The following ZNF704 variants were observed in gnomAD, a reference collection of about 807,000 sequenced individuals.
The protein encoded by ZNF704 is zinc finger protein 704.
Under a neutral mutation model 44.7 loss-of-function variants are expected in ZNF704, and 10 were observed. That is an observed-to-expected ratio of 0.22 (90% CI 0.14 to 0.38). The LOEUF is 0.38. Among genes scored for constraint, ZNF704 ranks in the 10% least tolerant of loss-of-function variants. The probability of loss-of-function intolerance (pLI) is 1.00; values close to 1 mark genes in which losing one functional copy is unlikely to be tolerated. For synonymous variants in ZNF704, 211 were observed against 207.6 expected, an observed-to-expected ratio of 1.02 and a Z score of -0.14; for missense variants, 390 against 545.5, an observed-to-expected ratio of 0.71 and a Z score of 2.84.
chr8:80,688,796 T>C (rs919173741), intron 3 of ZNF704, among the ~76,000 whole-genome samples: 2 of 152,096 alleles, frequency 1.3e-5, no homozygotes, highest in Non-Finnish European at 2.9e-5. Context: ...CCGTCTCTAC[T>C]AAAAATACAA....
chr8:80,779,723 G>C (rs1293316666), intron 2 of ZNF704, among the ~76,000 whole-genome samples: 1 of 151,638 alleles, frequency 6.6e-6, no homozygotes, highest in Non-Finnish European at 1.5e-5. Context: ...CTTCACTACT[G>C]AGCATTTTAA....
chr8:80,744,801 T>G (rs1806818462), intron 2 of ZNF704, among the ~76,000 whole-genome samples: 1 of 152,170 alleles, frequency 6.6e-6, no homozygotes, highest in Admixed American at 6.5e-5. Context: ...TATTAAACAT[T>G]CAAGTAGCTA....
chr8:80,833,978 G>C (rs1395760659), intron 1 of ZNF704, among the ~76,000 whole-genome samples: 1 of 152,144 alleles, frequency 6.6e-6, no homozygotes, highest in Non-Finnish European at 1.5e-5. Flanking sequence ...GGAAGCCTAT[G>C]ATTCTAATGT....
At chr8:80,703,583 T>C (rs1296647912) in intron 2 of ZNF704, among the ~76,000 whole-genome samples, 6 of 152,174 alleles carry the variant, frequency 3.9e-5, no homozygotes, top group Non-Finnish European at 8.8e-5. Flanking sequence ...CAAATGATCC[T>C]TCTGCCTCAG....
At chr8:80,802,440 A>G (rs961011101) in intron 2 of ZNF704, among the ~76,000 whole-genome samples, 12 of 152,220 alleles carry the variant, frequency 7.9e-5, no homozygotes, top group African/African-American at 2.9e-4. Context: ...AAGATCCTCA[A>G]TAAAATACTG....
intron 1 of ZNF704, among the ~76,000 whole-genome samples, chr8:80,859,818 A>G (rs1034433571): frequency 2.0e-5 from 3 of 152,130 alleles, no homozygotes; most frequent in Admixed American, 2.0e-4. Context: ...AAAGCGACAC[A>G]GAGAGATTAG....
chr8:80,803,680 A>C (rs1416251263), intron 2 of ZNF704, among the ~76,000 whole-genome samples: 1 of 152,228 alleles, frequency 6.6e-6, no homozygotes, highest in African/African-American at 2.4e-5. Flanking sequence ...TACAAAAATT[A>C]ATTCAAGATG....
chr8:80,648,202 T>C (rs1366944652), intron 7 of ZNF704, among the ~76,000 whole-genome samples: 1 of 152,158 alleles, frequency 6.6e-6, no homozygotes, highest in Non-Finnish European at 1.5e-5. Context: ...GGATTATATT[T>C]CCAACACATG....
chr8:80,785,155 C>T (rs920746696), intron 2 of ZNF704, among the ~76,000 whole-genome samples: 3 of 152,108 alleles, frequency 2.0e-5, no homozygotes, highest in African/African-American at 7.2e-5. Flanking sequence ...GTTTCCCAGA[C>T]TTTCCTTGTT....
At chr8:80,847,177 A>C (rs1208092451) in intron 1 of ZNF704, among the ~76,000 whole-genome samples, 1 of 152,120 alleles carries the variant, frequency 6.6e-6, no homozygotes, top group Non-Finnish European at 1.5e-5. Flanking sequence ...CATCTTAAAA[A>C]TAAAATAAAA....
intron 1 of ZNF704, among the ~76,000 whole-genome samples, chr8:80,841,958 T>G (rs1808687996): frequency 6.6e-6 from 1 of 152,094 alleles, no homozygotes; most frequent in African/African-American, 2.4e-5. Context: ...TTGTTTAGTT[T>G]TTTAATTTTT....
intron 2 of ZNF704, among the ~76,000 whole-genome samples, chr8:80,745,706 A>G (rs1254203493): frequency 6.6e-6 from 1 of 152,214 alleles, no homozygotes; most frequent in Non-Finnish European, 1.5e-5. Flanking sequence ...TCCTCTTTCT[A>G]TAATTTTGGA....
At chr8:80,723,232 T>A (rs1330241320) in intron 2 of ZNF704, among the ~76,000 whole-genome samples, 5 of 152,188 alleles carry the variant, frequency 3.3e-5, no homozygotes, top group Non-Finnish European at 5.9e-5. Flanking sequence ...CTCAATCTCA[T>A]TAAGTCATGG....
rs925285103 is a variant in ZNF704 at position 80,695,729 on chromosome 8, C to T, written c.222-2622G>A. Among the ~76,000 whole-genome samples, 5 of 152,274 alleles carry T rather than the reference C, an allele frequency of 3.3e-5. No individual in the cohort carries two copies. The East Asian group carries it at 9.6e-4, about 29-fold the overall frequency. ...ACAGAATGCATCATTATAAAATATA[C>T]ATTTATTTTGCATTGCGAAAATCTA... On this transcript the variant is annotated intron_variant, in intron 2 of 8. Coordinates refer to ENST00000327835, the MANE Select transcript of ZNF704 (RefSeq NM_001033723.3).
chr8:80,718,295 T>C (rs953045110), intron 2 of ZNF704, among the ~76,000 whole-genome samples: 1 of 152,182 alleles, frequency 6.6e-6, no homozygotes, highest in African/African-American at 2.4e-5. Flanking sequence ...AATTAATCTC[T>C]ATATCATGCC....
chr8:80,739,731 G>C (rs917822497), intron 2 of ZNF704, among the ~76,000 whole-genome samples: 1 of 152,108 alleles, frequency 6.6e-6, no homozygotes, highest in Admixed American at 6.6e-5. Flanking sequence ...CTGGAAAAGG[G>C]AAGAGCTGGG....
intron 1 of ZNF704, among the ~76,000 whole-genome samples, chr8:80,862,593 C>T (rs1809084404): frequency 1.0e-5 from 1 of 97,748 alleles, no homozygotes; most frequent in Non-Finnish European, 2.0e-5. Flanking sequence ...AAACTTGTCT[C>T]TACCAAAAAA....
chr8:80,855,954 C>A (rs963769697), intron 1 of ZNF704, among the ~76,000 whole-genome samples: 4 of 152,148 alleles, frequency 2.6e-5, no homozygotes, highest in Non-Finnish European at 5.9e-5. Flanking sequence ...AGAGTTACAT[C>A]TAATGCCTGT....
chr8:80,766,603 T>C (rs1807232188), intron 2 of ZNF704, among the ~76,000 whole-genome samples: 2 of 152,230 alleles, frequency 1.3e-5, no homozygotes, highest in African/African-American at 2.4e-5. Flanking sequence ...TTTATATTGT[T>C]TGGAAACAAA....
Sources: allele counts gnomAD v4.1 joint callset (sites outside exome capture counted in the v4.1 genomes callset), GRCh38; gene constraint gnomAD v4.1.1; transcripts MANE v1.5; gene names NCBI Gene and HGNC (gene_info 2026-07-23, HGNC 2026-07-21).